SORT1: variants seen among roughly 807,000 people sequenced by gnomAD.
SORT1 encodes the protein sortilin 1.
Under a neutral mutation model 101.7 loss-of-function variants are expected in SORT1, and 39 were observed. The observed-to-expected ratio is 0.38, with a 90% CI of 0.30 to 0.50. The LOEUF is 0.50. Among genes scored for constraint, SORT1 ranks in the 20% least tolerant of loss-of-function variants. SORT1 has a pLI of 0.90. For synonymous variants in SORT1, 396 were observed against 393.7 expected (o/e 1.01, Z -0.07); for missense variants, 878 against 1,040.4 (o/e 0.84, Z 2.15).
chr1:109,349,573 C>T (rs1192079783), intron 6 of SORT1, among the ~76,000 whole-genome samples: 2 of 151,888 alleles, frequency 1.3e-5, no homozygotes, highest in African/African-American at 4.8e-5. Flanking sequence ...TGAGACCAGC[C>T]TGGGCAACAT....
intron 9 of SORT1, 64 bp downstream of exon 9, chr1:109,341,950 A>G (rs555958418): frequency 6.7e-7 from 1 of 1,495,788 alleles, no homozygotes; most frequent in East Asian, 2.3e-5. Context: ...GACATGTAAA[A>G]ATAAAAGCTG....
intron 1 of SORT1, among the ~76,000 whole-genome samples, chr1:109,375,416 G>A (rs1226090743): frequency 6.6e-6 from 1 of 151,740 alleles, no homozygotes. Context: ...GGTGGCGGGC[G>A]CCTGTAGTAC....
At chr1:109,324,585 AATG>A (rs371414208) in intron 14 of SORT1, among the ~76,000 whole-genome samples, 11 of 152,276 alleles carry the variant, frequency 7.2e-5, no homozygotes, top group Non-Finnish European at 1.3e-4. Flanking sequence ...TTAATGTTGA[AATG>A]ATAATATTTT....
At chr1:109,335,115 G>A (rs1648723799) in intron 11 of SORT1, among the ~76,000 whole-genome samples, 1 of 152,094 alleles carries the variant, frequency 6.6e-6, no homozygotes, top group African/African-American at 2.4e-5. Flanking sequence ...GGGTGTTCAG[G>A]GAATGGCAGG....
At chr1:109,330,587 C>T (rs1190537545) in intron 11 of SORT1, among the ~76,000 whole-genome samples, 2 of 151,896 alleles carry the variant, frequency 1.3e-5, no homozygotes, top group Non-Finnish European at 2.9e-5. Flanking sequence ...AAAGAACAAA[C>T]TAAGCCCAAA....
At chr1:109,396,462 T>C (rs1254648703) in intron 1 of SORT1, among the ~76,000 whole-genome samples, 1 of 152,222 alleles carries the variant, frequency 6.6e-6, no homozygotes, top group East Asian at 1.9e-4. Context: ...CCTCCAGCAC[T>C]AGCTTGGCTA....
intron 15 of SORT1, among the ~76,000 whole-genome samples, 154 bp downstream of exon 15, chr1:109,322,778 G>C (rs1189383824): frequency 6.6e-6 from 1 of 152,012 alleles, no homozygotes; most frequent in African/African-American, 2.4e-5. Flanking sequence ...GGCCTCAAGT[G>C]ATCTGCCTGC....
chr1:109,317,749 TA>T, intron 16 of SORT1, 103 bp downstream of exon 16: 1 of 786,104 alleles, frequency 1.3e-6, no homozygotes, highest in Non-Finnish European at 2.1e-6. Flanking sequence ...CCGCCAAAAA[TA>T]GTGCTCTAAA....
At chr1:109,390,763 G>GTGTGTGTA (rs1373968061) in intron 1 of SORT1, among the ~76,000 whole-genome samples, 106 of 141,580 alleles carry the variant, frequency 7.5e-4, no homozygotes, top group African/African-American at 3.0e-3. Context: ...GTGTGTGTGT[G>GTGTGTGTA]TGTGTGTATG....
At chr1:109,351,139 C>CACAG (rs774788282) in intron 5 of SORT1, 137 bp from the exon 6 acceptor site, 2 of 693,254 alleles carry the variant, frequency 2.9e-6, no homozygotes, top group Non-Finnish European at 5.2e-6. Context: ...GCCCGAGCTC[C>CACAG]ACAGACACAC....
intron 1 of SORT1, among the ~76,000 whole-genome samples, chr1:109,379,486 C>T (rs1265306546): frequency 1.3e-5 from 2 of 152,114 alleles, no homozygotes; most frequent in Non-Finnish European, 2.9e-5. Flanking sequence ...GTCAGCTAAA[C>T]GTATGATCTA....
Position 109,313,926 on chromosome 1 carries a change from C to T in SORT1, c.*117G>A. ...GTCCTTTTGGCTTTGATGGAAGCAGCAGAAACAGAGCTGGGTCCCTCGCAA... is the reference window on the plus strand; with the variant it reads ...GTCCTTTTGGCTTTGATGGAAGCAGTAGAAACAGAGCTGGGTCCCTCGCAA... On this transcript the variant is annotated 3_prime_UTR_variant, in exon 20 of 20. Coordinates refer to ENST00000256637, the MANE Select transcript of SORT1 (RefSeq NM_002959.7). 1 of 966,642 alleles carries T rather than the reference C, an allele frequency of 1.0e-6. No individual in the cohort carries two copies. The highest frequency in any genetic ancestry group is 1.5e-5 in the South Asian group (1 of 64,960). The allele number at this position is 966,642 out of a possible 1,614,324, so 59.9% of individuals were successfully genotyped here. A position where few individuals can be genotyped will look rare whatever the true frequency, so the allele number is the denominator to read the frequency against.
At position 109,312,878 on chromosome 1, in the gene SORT1, C is replaced by T. The variant is rs1452942933; in HGVS notation, c.*1165G>A. On this transcript the variant is annotated 3_prime_UTR_variant, in exon 20 of 20. Coordinates refer to ENST00000256637, the MANE Select transcript of SORT1 (RefSeq NM_002959.7). The stretch of plus-strand genomic sequence containing the variant: ...GGAAGTGTGTTTTCAATTGGTTCCT[C>T]CAAAATTTTCGTGTCAACAAATTAC... 6.6e-6 allele frequency: 1 copy of T among 152,070 alleles called. No individual in the cohort carries two copies. Among genetic ancestry groups the T allele is most frequent in the Non-Finnish European group, 1.5e-5 (1 of 68,010 alleles). The allele number at this position is 152,070 out of a possible 1,614,324, so 9.4% of individuals were successfully genotyped here.
intron 1 of SORT1, among the ~76,000 whole-genome samples, chr1:109,379,575 A>G (rs1199023225): frequency 1.3e-5 from 2 of 152,236 alleles, no homozygotes; most frequent in East Asian, 3.8e-4. Context: ...TACCCTGAGG[A>G]GCCCAGAGCA....
chr1:109,373,149 T>G (rs1449909950), intron 1 of SORT1, among the ~76,000 whole-genome samples: 1 of 152,144 alleles, frequency 6.6e-6, no homozygotes, highest in Admixed American at 6.5e-5. Flanking sequence ...AGGACGACGA[T>G]TCCTGAAAGA....
intron 1 of SORT1, among the ~76,000 whole-genome samples, chr1:109,378,705 TATATATATA>T (rs1652018321): frequency 8.7e-4 from 1 of 1,150 alleles, no homozygotes; most frequent in African/African-American, 1.2e-3. Flanking sequence ...GAATGATATA[TATATATATA>T]TATATATATA....
intron 3 of SORT1, among the ~76,000 whole-genome samples, chr1:109,355,845 T>TC (rs1421994265): frequency 6.6e-6 from 1 of 151,740 alleles, no homozygotes; most frequent in South Asian, 2.1e-4. Flanking sequence ...GGTGCTTTTG[T>TC]CCCCCAAGAA....
chr1:109,384,941 G>C (rs1652480443), intron 1 of SORT1, among the ~76,000 whole-genome samples: 1 of 152,096 alleles, frequency 6.6e-6, no homozygotes, highest in Admixed American at 6.5e-5. Context: ...AGCCAGGTGT[G>C]GTGGCGTACA....
intron 10 of SORT1, among the ~76,000 whole-genome samples, chr1:109,338,874 C>T (rs1649017592): frequency 6.6e-6 from 1 of 151,720 alleles, no homozygotes; most frequent in Middle Eastern, 3.2e-3. Context: ...CCTCCTGTGA[C>T]TCTGATACTT....
Sources: gnomAD v4.1 joint callset for allele counts (sites outside exome capture counted in the v4.1 genomes callset) on GRCh38, gnomAD v4.1.1 for gene constraint, MANE v1.5 for transcripts, NCBI Gene and HGNC (gene_info 2026-07-23, HGNC 2026-07-21) for gene names.